AP3B1: variants seen among roughly 807,000 people sequenced by gnomAD.
AP3B1 encodes the protein AP-3 complex subunit beta-1.
A neutral mutation model predicts 132.5 loss-of-function variants in AP3B1; 61 were observed. The ratio of observed to expected loss-of-function variants is 0.46; its 90% CI spans 0.37 to 0.57. AP3B1 has a LOEUF of 0.57. Among genes scored for constraint, AP3B1 ranks in the 20% least tolerant of loss-of-function variants. AP3B1 has a pLI of 0.00. For synonymous variants in AP3B1, 388 were observed against 438.3 expected (o/e 0.89, Z 1.43); for missense variants, 1,120 against 1,289.4 (o/e 0.87, Z 2.01).
intron 26 of AP3B1, among the ~76,000 whole-genome samples, chr5:78,006,305 C>G (rs1174934719): frequency 6.6e-6 from 1 of 152,138 alleles, no homozygotes; most frequent in Non-Finnish European, 1.5e-5. Context: ...TTCATATATA[C>G]AAAAATGCAC....
chr5:78,017,893 G>A (rs1053844797), intron 25 of AP3B1, among the ~76,000 whole-genome samples: 1 of 151,710 alleles, frequency 6.6e-6, no homozygotes, highest in Non-Finnish European at 1.5e-5. Flanking sequence ...ACTTACTTTA[G>A]GCTAATCAGC....
At chr5:78,038,388 C>T (rs1027994194) in intron 23 of AP3B1, among the ~76,000 whole-genome samples, 3 of 152,132 alleles carry the variant, frequency 2.0e-5, no homozygotes, top group African/African-American at 7.2e-5. Context: ...CCCTGGGCCA[C>T]ATTGGAAGAA....
chr5:78,160,442 T>C (rs576574773), intron 13 of AP3B1, among the ~76,000 whole-genome samples: 1 of 152,242 alleles, frequency 6.6e-6, no homozygotes, highest in Admixed American at 6.5e-5. Context: ...ATCAAATTAA[T>C]CTTAGAGAGT....
At chr5:78,179,457 G>T (rs72776464) in intron 8 of AP3B1, among the ~76,000 whole-genome samples, 40,238 of 151,968 alleles carry the variant, frequency 0.26, 5,547 homozygotes, top group Admixed American at 0.38. Flanking sequence ...GTTGAAAGTC[G>T]CTTTGATACC....
chr5:78,007,837 CA>C (rs1034414241), intron 26 of AP3B1, among the ~76,000 whole-genome samples: 13 of 151,710 alleles, frequency 8.6e-5, no homozygotes, highest in East Asian at 5.8e-4. Flanking sequence ...TAGTGAAGGA[CA>C]AAAAAAGCAT....
At chr5:78,103,505 C>T (rs1179059395) in intron 20 of AP3B1, among the ~76,000 whole-genome samples, 1 of 152,126 alleles carries the variant, frequency 6.6e-6, no homozygotes, top group Admixed American at 6.5e-5. Flanking sequence ...CATCGACAAA[C>T]CAAACACATT....
chr5:78,225,655 C>T, intron 5 of AP3B1, 47 bp from the exon 6 acceptor site: 1 of 1,219,114 alleles, frequency 8.2e-7, no homozygotes, highest in Non-Finnish European at 1.2e-6. Context: ...TTAATTCTAG[C>T]TTTACATGAT....
intron 20 of AP3B1, among the ~76,000 whole-genome samples, chr5:78,107,911 T>TA (rs911803107): frequency 6.3e-4 from 96 of 152,380 alleles, no homozygotes; most frequent in African/African-American, 2.3e-3. Flanking sequence ...CATAGTGTGT[T>TA]ACATTGATCT....
chr5:78,077,964 T>A (rs1749831372), intron 22 of AP3B1, among the ~76,000 whole-genome samples: 3 of 152,304 alleles, frequency 2.0e-5, no homozygotes, highest in African/African-American at 2.4e-5. Context: ...TAGGATTCCA[T>A]CTTCAGTTGT....
At chr5:78,174,505 A>G (rs1263926236) in intron 11 of AP3B1, among the ~76,000 whole-genome samples, 1 of 151,818 alleles carries the variant, frequency 6.6e-6, no homozygotes, top group Non-Finnish European at 1.5e-5. Context: ...TTGCCTGGTT[A>G]TCACCAGCGG....
At chr5:78,261,786 C>T (rs1748106578) in intron 2 of AP3B1, among the ~76,000 whole-genome samples, 1 of 146,782 alleles carries the variant, frequency 6.8e-6, no homozygotes, top group Admixed American at 6.9e-5. Flanking sequence ...CGGTCTCACT[C>T]TGCCACCCAA....
chr5:78,167,728 G>C (rs1348129846), intron 11 of AP3B1, among the ~76,000 whole-genome samples: 1 of 151,894 alleles, frequency 6.6e-6, no homozygotes, highest in East Asian at 1.9e-4. Flanking sequence ...AAACTAGATA[G>C]AATTGGAGAC....
intron 22 of AP3B1, among the ~76,000 whole-genome samples, chr5:78,055,323 T>G (rs191594528): frequency 6.6e-6 from 1 of 152,346 alleles, no homozygotes; most frequent in African/African-American, 2.4e-5. Flanking sequence ...GTTAGTTTCC[T>G]TCTCATGAGG....
chr5:78,207,659 G>C (rs1745565623), intron 7 of AP3B1, among the ~76,000 whole-genome samples: 1 of 152,036 alleles, frequency 6.6e-6, no homozygotes, highest in African/African-American at 2.4e-5. Context: ...ACGTTGAGAT[G>C]TAACCTGATT....
chr5:78,234,020 GT>G (rs576396693), intron 3 of AP3B1, among the ~76,000 whole-genome samples: 2 of 152,102 alleles, frequency 1.3e-5, no homozygotes, highest in South Asian at 2.1e-4. Context: ...TTAAATCACT[GT>G]TTTTTAACCC....
At chr5:78,176,768 G>A (rs1022439617) in intron 9 of AP3B1, among the ~76,000 whole-genome samples, 22 of 152,138 alleles carry the variant, frequency 1.4e-4, no homozygotes, top group African/African-American at 5.1e-4. Context: ...AAGGTGGCAT[G>A]CTCTTTCTGT....
chr5:78,046,491 G>A (rs1038105549), intron 22 of AP3B1, among the ~76,000 whole-genome samples: 9 of 152,262 alleles, frequency 5.9e-5, no homozygotes, highest in African/African-American at 1.9e-4. Context: ...CAGGTCTCAC[G>A]TCTTCTGAGC....
chr5:78,018,860 C>T (rs1746970413), intron 25 of AP3B1, among the ~76,000 whole-genome samples: 1 of 152,068 alleles, frequency 6.6e-6, no homozygotes, highest in Non-Finnish European at 1.5e-5. Context: ...ATAACAAATA[C>T]ATGTGTAAAG....
In AP3B1 at chr5:78,116,589, T is replaced by G. The variant is rs76293726; in HGVS notation, c.1969-355A>C. 3.6e-3 allele frequency among the ~76,000 whole-genome samples: 547 copies of G among 151,394 alleles called. 21 individuals carry two copies. The East Asian group carries it at 0.096, about 26-fold the overall frequency. ...AACAGCAATAACAAACACAAGTTGA[T>G]AGCTTGACACTGAGGGAAAAGAGAG... is the stretch of plus-strand genomic sequence containing the variant. On this transcript the variant is annotated intron_variant, in intron 17 of 26. Coordinates refer to ENST00000255194, the MANE Select transcript of AP3B1 (RefSeq NM_003664.5).
Sources: gnomAD v4.1 joint callset for allele counts (sites outside exome capture counted in the v4.1 genomes callset) on GRCh38, gnomAD v4.1.1 for gene constraint, MANE v1.5 for transcripts, NCBI Gene and HGNC (gene_info 2026-07-23, HGNC 2026-07-21) for gene names.